The following CHEK1 variants were observed in gnomAD, a reference collection of about 807,000 sequenced individuals.
The protein encoded by CHEK1 is checkpoint kinase 1.
In CHEK1, 32 loss-of-function variants were observed where a neutral mutation model predicts 60.2. The ratio of observed to expected loss-of-function variants is 0.53; its 90% CI spans 0.40 to 0.71. The LOEUF (loss-of-function observed/expected upper bound fraction) is 0.71, where lower values mean the gene tolerates loss of function less well. Ranked by LOEUF, CHEK1 falls within the 30% of genes least tolerant of loss-of-function variation. CHEK1 has a pLI of 0.00. For missense variants in CHEK1, 399 were observed against 564.6 expected, an observed-to-expected ratio of 0.71 and a Z score of 2.97; for synonymous variants, 179 against 187.2, an observed-to-expected ratio of 0.96 and a Z score of 0.36.
chr11:125,670,575 C>T (rs1942183712), intron 13 of CHEK1, among the ~76,000 whole-genome samples: 1 of 152,032 alleles, frequency 6.6e-6, no homozygotes, highest in Non-Finnish European at 1.5e-5. Context: ...TTTTGAGCCT[C>T]CTGGAGTCAG....
At position 125,633,998 on chromosome 11, in the gene CHEK1, G is replaced by GT. The variant is rs10626345; in HGVS notation, c.613+664dup. On this transcript the variant is annotated intron_variant, in intron 6 of 12. Coordinates refer to ENST00000438015, the MANE Select transcript of CHEK1 (RefSeq NM_001114122.3). ...GAGAGCAGAAGCAAGCTCTATTGTG[G>GT]TTTTTTTTTTTTTTTTTAGACCAGA... is the stretch of plus-strand genomic sequence containing the variant. 2.6e-3 allele frequency among the ~76,000 whole-genome samples: 325 copies of GT among 126,942 alleles called. 5 individuals carry two copies. The highest frequency in any genetic ancestry group is 4.2e-3 in the Middle Eastern group (1 of 238). The allele number at this position is 126,942 out of a possible 152,430, so 83.3% of individuals were successfully genotyped here. A position where few individuals can be genotyped will look rare whatever the true frequency, so the allele number is the denominator to read the frequency against.
chr11:125,642,147 A>G (rs1193626094), intron 8 of CHEK1, among the ~76,000 whole-genome samples: 1 of 152,116 alleles, frequency 6.6e-6, no homozygotes, highest in African/African-American at 2.4e-5. Context: ...TGCATGTCTT[A>G]TTCTCTTACT....
intron 8 of CHEK1, among the ~76,000 whole-genome samples, chr11:125,640,312 C>T (rs573429444): frequency 2.0e-5 from 3 of 152,098 alleles, no homozygotes; most frequent in African/African-American, 7.2e-5. Flanking sequence ...GAGGCCAAGG[C>T]GGGCGGATCA....
intron 5 of CHEK1, among the ~76,000 whole-genome samples, chr11:125,629,756 G>C (rs1189286237): frequency 6.6e-6 from 1 of 151,212 alleles, no homozygotes; most frequent in African/African-American, 2.4e-5. Flanking sequence ...CAGGCTCACT[G>C]TGTTGTCCAG....
At chr11:125,642,043 A>C (rs570294258) in intron 8 of CHEK1, among the ~76,000 whole-genome samples, 3 of 152,008 alleles carry the variant, frequency 2.0e-5, no homozygotes, top group African/African-American at 7.2e-5. Flanking sequence ...TGTTCTTCTT[A>C]TTGTTCTCCA....
intron 13 of CHEK1, chr11:125,672,346 G>A (rs1942227038): frequency 6.6e-6 from 3 of 456,054 alleles, no homozygotes; most frequent in Non-Finnish European, 1.2e-5. Context: ...CTTTAACCAT[G>A]TGAAATTTAT....
intron 8 of CHEK1, chr11:125,643,069 C>T: frequency 6.6e-6 from 1 of 152,100 alleles, no homozygotes; most frequent in East Asian, 1.9e-4. Flanking sequence ...ATAGCAGATT[C>T]ATAATGTTTA....
At chr11:125,672,699 A>G in intron 13 of CHEK1, 1 of 1,614,112 alleles carries the variant, frequency 6.2e-7, no homozygotes, top group South Asian at 1.1e-5. Context: ...CCCTTGAACC[A>G]TGAATTGGAG....
chr11:125,633,167 C>A lies in CHEK1; in HGVS notation c.429C>A (p.Asn143Lys). 1 of 1,576,670 alleles carries A rather than the reference C, an allele frequency of 6.3e-7. No homozygotes were observed. The highest frequency in any genetic ancestry group is 2.0e-5 in the Admixed American group (1 of 50,138). The change falls in exon 6 of 13, where the codon AAC becomes AAA. Residue 143 changes from asparagine to lysine, a missense_variant. Physicochemically the swap from Asn to Lys is moderately conservative, Grantham distance 94. This residue lies in a region of CHEK1 where 370 missense variants were observed against 494.8 expected (regional missense o/e 0.75). Coordinates refer to ENST00000438015, the MANE Select transcript of CHEK1 (RefSeq NM_001114122.3). Reference sequence around the variant, plus strand: ...TCTTTTTTTCTTTTGGTTTAGATAACCTCAAAATCTCAGACTTTGGCTTGG... The same window carrying A: ...TCTTTTTTTCTTTTGGTTTAGATAAACTCAAAATCTCAGACTTTGGCTTGG... ...PENLLLDERD[N>K]LKISDFGLAT...
At chr11:125,657,813 T>A (rs902405396), downstream of CHEK1, among the ~76,000 whole-genome samples, 4 of 152,216 alleles carry the variant, frequency 2.6e-5, no homozygotes, top group Admixed American at 1.3e-4. Context: ...TCATTTGTTT[T>A]GCTAGGTCCT....
intron 8 of CHEK1, 33 bp from the exon 9 acceptor site, chr11:125,643,759 C>A: frequency 6.4e-7 from 1 of 1,556,258 alleles, no homozygotes; most frequent in South Asian, 1.1e-5. Flanking sequence ...GCATAGAAGA[C>A]TTGAAAGCAT....
chr11:125,680,641 TGA>T, downstream of CHEK1: 17 of 1,242,362 alleles, frequency 1.4e-5, no homozygotes, highest in Non-Finnish European at 1.9e-5. Context: ...TTTGGGTGAC[TGA>T]GAGACTGGTC....
At chr11:125,677,713 C>G, downstream of CHEK1, 2 of 1,553,620 alleles carry the variant, frequency 1.3e-6, no homozygotes, top group Non-Finnish European at 1.8e-6. Context: ...CTTCTGCACT[C>G]CTTCCCTAAA....
chr11:125,633,037 T>G (rs1217340353), intron 5 of CHEK1, 126 bp from the exon 6 acceptor site: 1 of 777,716 alleles, frequency 1.3e-6, no homozygotes, highest in African/African-American at 1.8e-5. Flanking sequence ...TTTTGCTTAT[T>G]TTAAGAGAAG....
At chr11:125,654,492 T>C (rs1941840898) in intron 12 of CHEK1, among the ~76,000 whole-genome samples, 1 of 152,220 alleles carries the variant, frequency 6.6e-6, no homozygotes, top group African/African-American at 2.4e-5. Context: ...GTTACAAATA[T>C]TTCATTATAA....
At chr11:125,646,319 G>A (rs996102015) in intron 11 of CHEK1, among the ~76,000 whole-genome samples, 1 of 151,930 alleles carries the variant, frequency 6.6e-6, no homozygotes, top group Non-Finnish European at 1.5e-5. Context: ...CCTTTTTATG[G>A]CTGAATAATA....
chr11:125,642,018 C>T (rs560263165), intron 8 of CHEK1, among the ~76,000 whole-genome samples: 13 of 151,956 alleles, frequency 8.6e-5, no homozygotes, highest in African/African-American at 3.1e-4. Context: ...CTTTGCTCCC[C>T]CTTGGTCATA....
chr11:125,641,438 T>C (rs1219365312), intron 8 of CHEK1, among the ~76,000 whole-genome samples: 1 of 152,212 alleles, frequency 6.6e-6, no homozygotes, highest in East Asian at 1.9e-4. Context: ...TATTACTTGG[T>C]TTCATGGCTC....
intron 13 of CHEK1, chr11:125,672,356 T>C (rs899966364): frequency 2.1e-6 from 1 of 479,626 alleles, no homozygotes; most frequent in Non-Finnish European, 3.6e-6. Context: ...GTGAAATTTA[T>C]TGAAAAAAAA....
Sources: allele counts gnomAD v4.1 joint callset (sites outside exome capture counted in the v4.1 genomes callset), GRCh38; gene constraint gnomAD v4.1.1; regional missense constraint gnomAD v4.1.1; transcripts MANE v1.5; gene names NCBI Gene and HGNC (gene_info 2026-07-23, HGNC 2026-07-21).